ERC1: variants seen among roughly 807,000 people sequenced by gnomAD.
ERC1 encodes ELKS/RAB6-interacting/CAST family member 1, also known as RAB6 interacting protein 2.
Under a neutral mutation model 132.0 loss-of-function variants are expected in ERC1, and 56 were observed. That is an observed-to-expected ratio of 0.42 (90% CI 0.34 to 0.53). The LOEUF (loss-of-function observed/expected upper bound fraction) is 0.53, where lower values mean the gene tolerates loss of function less well. ERC1 is among the 20% of genes least tolerant of loss of function. The pLI, the probability that ERC1 is intolerant of heterozygous loss-of-function variation, is 0.03. For synonymous variants in ERC1, 478 were observed against 476.1 expected (o/e 1.00, Z -0.05); for missense variants, 1,202 against 1,349.9 (o/e 0.89, Z 1.72).
At chr12:1,489,213 G>A (rs893546585) in intron 18 of ERC1, among the ~76,000 whole-genome samples, 3 of 152,112 alleles carry the variant, frequency 2.0e-5, no homozygotes, top group East Asian at 1.9e-4. Context: ...CCAGCCCCAC[G>A]CATCAGCCTT....
rs115047843 is a variant in ERC1, at chr12:1,225,229, C to T, written c.2352-11540C>T. ...ATCTCAGCAACTCAGGAGTCTGAGA[C>T]GAGAGGATCACTTGGGGCCAGGAGT... On this transcript the variant is annotated intron_variant, in intron 12 of 18. Transcript: ENST00000360905. Among the ~76,000 whole-genome samples, 661 of 151,960 alleles carry T rather than the reference C, an allele frequency of 4.3e-3. 5 individuals are homozygous for T. Among genetic ancestry groups the T allele is most frequent in the African/African-American group, 0.015 (606 of 41,428 alleles).
chr12:1,061,991 T>TC (rs1483193892), intron 2 of ERC1, among the ~76,000 whole-genome samples: 1 of 131,128 alleles, frequency 7.6e-6, no homozygotes, highest in African/African-American at 3.3e-5. Context: ...CTTTTCTTCT[T>TC]TTTTTTTTTT....
In ERC1 at chr12:1,306,585, G is replaced by A. The variant is rs893120261; in HGVS notation, c.2780+16573G>A. 2.0e-5 allele frequency among the ~76,000 whole-genome samples: 3 copies of A among 152,174 alleles called. No homozygotes were observed. The East Asian group carries it at 5.8e-4, about 29-fold the overall frequency. On this transcript the variant is annotated intron_variant, in intron 15 of 18. Coordinates refer to ENST00000360905, the MANE Select transcript of ERC1 (RefSeq NM_178040.4). ...TCAGTGCTTCAATTTAAGACATCGGGAGATGAATGAAATTGTTATGTTATT... is the reference window on the plus strand; with the variant it reads ...TCAGTGCTTCAATTTAAGACATCGGAAGATGAATGAAATTGTTATGTTATT...
At chr12:1,321,691 A>G (rs560266953) in intron 15 of ERC1, among the ~76,000 whole-genome samples, 153 of 152,190 alleles carry the variant, frequency 1.0e-3, no homozygotes, top group Non-Finnish European at 1.8e-3. Context: ...CTTTATAAAT[A>G]ATACTTGAGT....
chr12:1,127,850 A>G (rs1948366769), intron 7 of ERC1, among the ~76,000 whole-genome samples: 1 of 152,216 alleles, frequency 6.6e-6, no homozygotes, highest in South Asian at 2.1e-4. Context: ...ATCAACGATA[A>G]CACTTGGACA....
chr12:1,190,179 A>G (rs1955564735), intron 12 of ERC1, 127 bp downstream of exon 12: 1 of 877,324 alleles, frequency 1.1e-6, no homozygotes, highest in Non-Finnish European at 1.9e-6. Flanking sequence ...CTATTACTGT[A>G]TTAGCTGCCT....
intron 17 of ERC1, among the ~76,000 whole-genome samples, chr12:1,428,627 C>G (rs1374143490): frequency 1.1e-4 from 16 of 152,132 alleles, no homozygotes; most frequent in Admixed American, 7.2e-4. Context: ...CATAGAGTTA[C>G]GTTGTGGAGG....
At chr12:1,422,993 G>A (rs908162294) in intron 17 of ERC1, among the ~76,000 whole-genome samples, 8 of 152,284 alleles carry the variant, frequency 5.3e-5, no homozygotes, top group Admixed American at 2.0e-4. Flanking sequence ...CAAACTCAGC[G>A]TAATTTTGGT....
intron 7 of ERC1, among the ~76,000 whole-genome samples, chr12:1,122,827 G>A (rs895534387): frequency 6.6e-6 from 1 of 152,002 alleles, no homozygotes; most frequent in Admixed American, 6.6e-5. Flanking sequence ...TGGGGTAGGG[G>A]TTGGGGGTGG....
At chr12:1,107,582 G>A (rs1157697550) in intron 4 of ERC1, among the ~76,000 whole-genome samples, 1 of 152,164 alleles carries the variant, frequency 6.6e-6, no homozygotes, top group East Asian at 1.9e-4. Context: ...TGGAGGATGA[G>A]ATCATTGCAA....
intron 13 of ERC1, among the ~76,000 whole-genome samples, chr12:1,249,879 A>T (rs956805597): frequency 6.6e-6 from 1 of 152,332 alleles, no homozygotes; most frequent in East Asian, 1.9e-4. Flanking sequence ...GGAAGGGGCA[A>T]GGCAGCTCTC....
intron 14 of ERC1, among the ~76,000 whole-genome samples, chr12:1,275,579 G>T (rs1219468142): frequency 2.6e-5 from 4 of 152,170 alleles, no homozygotes; most frequent in Non-Finnish European, 5.9e-5. Context: ...AGATGGAGAG[G>T]TCTATTTGGA....
chr12:1,082,293 T>C (rs35738441), intron 2 of ERC1, among the ~76,000 whole-genome samples: 28,582 of 151,590 alleles, frequency 0.19, 3,393 homozygotes, highest in Non-Finnish European at 0.25. Flanking sequence ...CCCAAAGTGC[T>C]AGGATTACAG....
At chr12:1,172,717 C>G (rs1358068142) in intron 8 of ERC1, among the ~76,000 whole-genome samples, 3 of 151,724 alleles carry the variant, frequency 2.0e-5, no homozygotes, top group African/African-American at 7.3e-5. Flanking sequence ...AAAAAAAAAC[C>G]CATGGGATTA....
At chr12:1,427,530 A>G (rs1160373633) in intron 17 of ERC1, among the ~76,000 whole-genome samples, 1 of 151,938 alleles carries the variant, frequency 6.6e-6, no homozygotes, top group African/African-American at 2.4e-5. Flanking sequence ...TTTTTAATAT[A>G]TTGCATCCCA....
chr12:1,196,063 C>T (rs899621881), intron 12 of ERC1, among the ~76,000 whole-genome samples: 4 of 152,086 alleles, frequency 2.6e-5, no homozygotes, highest in East Asian at 3.9e-4. Flanking sequence ...TTTAATTACT[C>T]CCCCAAATCA....
chr12:996,703 G>T (rs1037697217), intron 1 of ERC1, among the ~76,000 whole-genome samples: 4 of 152,132 alleles, frequency 2.6e-5, no homozygotes, highest in Non-Finnish European at 4.4e-5. Flanking sequence ...CTTATTTTAA[G>T]AAATAGGTAA....
intron 12 of ERC1, among the ~76,000 whole-genome samples, chr12:1,214,440 G>T (rs1047248388): frequency 1.3e-5 from 2 of 152,012 alleles, no homozygotes; most frequent in African/African-American, 2.4e-5. Flanking sequence ...ACTTGTAAGG[G>T]TTATTATGGT....
At chr12:1,039,337 C>CAAAAAAAAAAAA (rs573363202) in intron 2 of ERC1, among the ~76,000 whole-genome samples, 3 of 113,102 alleles carry the variant, frequency 2.7e-5, no homozygotes, top group Non-Finnish European at 5.6e-5. Flanking sequence ...GACGTTGTCT[C>CAAAAAAAAAAAA]AAAAAAAAAA....
Sources: allele counts gnomAD v4.1 joint callset (sites outside exome capture counted in the v4.1 genomes callset), GRCh38; gene constraint gnomAD v4.1.1; transcripts MANE v1.5; gene names NCBI Gene and HGNC (gene_info 2026-07-23, HGNC 2026-07-21).